PCP2: variants seen among roughly 807,000 people sequenced by gnomAD.
The protein encoded by PCP2 is Purkinje cell protein 2, also known as Purkinje cell protein 2 homolog.
Under a neutral mutation model 18.3 loss-of-function variants are expected in PCP2, and 21 were observed. The ratio of observed to expected loss-of-function variants is 1.14; its 90% CI spans 0.81 to 1.65. The LOEUF (loss-of-function observed/expected upper bound fraction) is 1.65, where lower values mean the gene tolerates loss of function less well. Among genes scored for constraint, PCP2 ranks in the 40% most tolerant of loss-of-function variants. The pLI, the probability that PCP2 is intolerant of heterozygous loss-of-function variation, is 0.00. For missense variants in PCP2, 202 were observed against 201.8 expected, an observed-to-expected ratio of 1.00 and a Z score of 0.00; for synonymous variants, 85 against 77.6, an observed-to-expected ratio of 1.10 and a Z score of -0.50.
Position 7,631,636 on chromosome 19 carries a change from T to C in PCP2, c.*53A>G, listed in dbSNP as rs2031306037. On this transcript the variant is annotated 3_prime_UTR_variant, in exon 4 of 4. Transcript: ENST00000311069. ...TTCCTTGTTATTCATTTAAGTGTTT[T>C]ATTCTTTTATCAGTTTTTGGGGGCC... The C allele has an allele frequency of 2.7e-6, 4 of 1,456,824 alleles. No individual in the cohort carries two copies. The South Asian group carries it at 4.2e-5, about 15-fold the overall frequency. The allele number at this position is 1,456,824 out of a possible 1,614,324, so 90.2% of individuals were successfully genotyped here. A position where few individuals can be genotyped will look rare whatever the true frequency, so the allele number is the denominator to read the frequency against.
intron 1 of PCP2, chr19:7,633,072 C>T: frequency 7.7e-7 from 1 of 1,304,960 alleles, no homozygotes; most frequent in Non-Finnish European, 1.0e-6. Flanking sequence ...GGTACCGCTT[C>T]AAGGGACAGG....
upstream of PCP2, chr19:7,636,903 T>A (rs1361366582): frequency 2.6e-6 from 1 of 390,328 alleles, no homozygotes; most frequent in Non-Finnish European, 4.5e-6. Flanking sequence ...TGAACTCCCA[T>A]CTGTGAGCGT....
At position 7,631,764 on chromosome 19, in the gene PCP2, C is replaced by A; in HGVS notation, c.336G>T (p.Leu112=). 1 of 1,424,748 alleles carries A rather than the reference C, an allele frequency of 7.0e-7. No individual in the cohort carries two copies. Among genetic ancestry groups the A allele is most frequent in the Non-Finnish European group, 9.2e-7 (1 of 1,085,426 alleles). The allele number at this position is 1,424,748 out of a possible 1,614,324, so 88.3% of individuals were successfully genotyped here. ...GAGCGGTCGGGTCCTGAGGGGTGAG[C>A]AGGGGTTGGGGACTGAGGGTCCCAG... ...KRAGTLSPQP[L]LTPQDPTALG... Residue 112 remains leucine, a synonymous_variant, in exon 4 of 4, where the codon CTG becomes CTT. Coordinates refer to ENST00000311069, the MANE Select transcript of PCP2 (RefSeq NM_174895.3).
At position 7,631,648 on chromosome 19, in the gene PCP2, A is replaced by G; in HGVS notation, c.*41T>C. Reference sequence around the variant, plus strand: ...CATTTAAGTGTTTTATTCTTTTATCAGTTTTTGGGGGCCGAGTGAGACCCA... The same window carrying G: ...CATTTAAGTGTTTTATTCTTTTATCGGTTTTTGGGGGCCGAGTGAGACCCA... On this transcript the variant is annotated 3_prime_UTR_variant, in exon 4 of 4. Coordinates refer to ENST00000311069, the MANE Select transcript of PCP2 (RefSeq NM_174895.3). The G allele has an allele frequency of 1.4e-6, 2 of 1,452,998 alleles. No homozygotes were observed. The highest frequency in any genetic ancestry group is 1.8e-6 in the Non-Finnish European group (2 of 1,100,324). The allele number at this position is 1,452,998 out of a possible 1,614,324, so 90.0% of individuals were successfully genotyped here.
In PCP2 at chr19:7,632,554, G is replaced by T. The variant is rs969274822; in HGVS notation, c.167-37C>A. ...TTCACAGACTTGGGAGGACACAGCCGGAGTGGGGGCCCCCAACCCTACCCC... is the reference window on the plus strand; with the variant it reads ...TTCACAGACTTGGGAGGACACAGCCTGAGTGGGGGCCCCCAACCCTACCCC... On this transcript the variant is annotated intron_variant, in intron 2 of 3. Transcript: ENST00000311069. The surrounding 1 kb of genome is among the most constrained non-coding windows in gnomAD (Gnocchi z 5.2). 2.5e-6 allele frequency: 4 copies of T among 1,607,572 alleles called. No homozygotes were observed. Among genetic ancestry groups the T allele is most frequent in the Admixed American group, 1.7e-5 (1 of 59,928 alleles).
At chr19:7,633,334 T>A in intron 1 of PCP2, 73 bp downstream of exon 1, 1 of 1,269,598 alleles carries the variant, frequency 7.9e-7, no homozygotes, top group Non-Finnish European at 1.1e-6. Context: ...TTAGGTGCCC[T>A]ACAAACTAGT....
At chr19:7,634,150 A>G (rs938009220), upstream of PCP2, among the ~76,000 whole-genome samples, 6 of 152,070 alleles carry the variant, frequency 3.9e-5, no homozygotes, top group African/African-American at 1.4e-4. Flanking sequence ...CCTCTCCTCT[A>G]TCACCCTAGC....
Position 7,632,832 on chromosome 19 carries a change from TG to T in PCP2, c.52-3del. 6.5e-7 allele frequency: 1 copy of T among 1,548,170 alleles called. No homozygotes were observed. Among genetic ancestry groups the T allele is most frequent in the Non-Finnish European group, 8.7e-7 (1 of 1,148,778 alleles). On this transcript the variant is annotated splice_region_variant and splice_polypyrimidine_tract_variant and intron_variant, in intron 1 of 3. Transcript: ENST00000311069. The surrounding 1 kb of genome is among the most constrained non-coding windows in gnomAD (Gnocchi z 5.2). ...GCCCTCCTGGTCTGGGGAGCCCGCC[TG>T]GGGACAGACTCGCTCAGTCTGGTTG...
intron 1 of PCP2, 26 bp downstream of exon 1, chr19:7,633,381 G>T (rs1278053203): frequency 3.2e-6 from 5 of 1,554,056 alleles, no homozygotes; most frequent in Non-Finnish European, 3.5e-6. Context: ...TGAGCTGGGG[G>T]TGGGGTGGGG....
At chr19:7,634,217 C>T (rs3745362), upstream of PCP2, among the ~76,000 whole-genome samples, 44,335 of 152,148 alleles carry the variant, frequency 0.29, 7,142 homozygotes, top group Non-Finnish European at 0.37. Context: ...GGGGAGAGGA[C>T]GTCCCTGCCT....
chr19:7,636,036 G>C (rs1019870322), upstream of PCP2, among the ~76,000 whole-genome samples: 4 of 152,094 alleles, frequency 2.6e-5, no homozygotes, highest in Admixed American at 2.0e-4. Flanking sequence ...AGAGGCCCTC[G>C]GGGGTCATCC....
chr19:7,632,375 C>T lies in PCP2; in HGVS notation c.291+18G>A, dbSNP rs756769829. The T allele has an allele frequency of 9.9e-6, 16 of 1,613,216 alleles. No individual in the cohort carries two copies. In the East Asian group the frequency reaches 1.1e-4, roughly 11 times the overall value. On this transcript the variant is annotated intron_variant, in intron 3 of 3. Coordinates refer to ENST00000311069, the MANE Select transcript of PCP2 (RefSeq NM_174895.3). The surrounding 1 kb of genome is among the most constrained non-coding windows in gnomAD (Gnocchi z 5.2). ...TGCCTGGCGGGTTTCTCCTCGACAT[C>T]GCCAGAACATCACCTACCTTGGACC... is the stretch of plus-strand genomic sequence containing the variant.
chr19:7,633,409 C>G lies in PCP2; in HGVS notation c.49G>C (p.Glu17Gln), dbSNP rs537729714. 5 of 1,569,072 alleles carry G rather than the reference C, an allele frequency of 3.2e-6. No individual in the cohort carries two copies. In the Admixed American group the frequency reaches 9.4e-5, roughly 29 times the overall value. Reference protein sequence around the residue: ...KTEEGSGPCAEAGSPDQEGFF... With the variant: ...KTEEGSGPCAQAGSPDQEGFF... Reference sequence around the variant, plus strand: ...GGGTGGGGGCAGGGCCCTCTCACCTCGGCACAGGGGCCTGAGCCTTCCTCC... The same window carrying G: ...GGGTGGGGGCAGGGCCCTCTCACCTGGGCACAGGGGCCTGAGCCTTCCTCC... Residue 17 changes from glutamate (E) to glutamine (Q), a missense_variant and splice_region_variant, in exon 1 of 4, where the codon GAG (glutamate) becomes CAG (glutamine). Transcript: ENST00000311069.
chr19:7,633,047 A>AGTGCCACTTCACGTG (rs2031397337), intron 1 of PCP2: 2 of 1,407,222 alleles, frequency 1.4e-6, no homozygotes, highest in East Asian at 5.0e-5. Flanking sequence ...CCTGGCCAGC[A>AGTGCCACTTCACGTG]GTGCCACTTC....
Position 7,632,482 on chromosome 19 carries a change from C to CCT in PCP2, c.201_202insAG (p.Asp68ArgfsTer17), listed in dbSNP as rs768484783. 1 of 1,613,844 alleles carries CCT rather than the reference C, an allele frequency of 6.2e-7. No individual in the cohort carries two copies. The highest frequency in any genetic ancestry group is 1.6e-4 in the Middle Eastern group (1 of 6,062). On this transcript the variant is annotated frameshift_variant, in exon 3 of 4. Coordinates refer to ENST00000311069, the MANE Select transcript of PCP2 (RefSeq NM_174895.3). LOFTEE classifies it high-confidence loss of function. This position sits in a 1 kb window ranked among gnomAD's most constrained non-coding sequence, Gnocchi z 5.2. ...CGGCCCTGGGTACTGGCCAGCATGT[C>CCT]CATGAGGCTGTCCATCTCGGGGGTG...
chr19:7,635,026 C>T (rs1487091063), upstream of PCP2, among the ~76,000 whole-genome samples: 1 of 152,236 alleles, frequency 6.6e-6, no homozygotes, highest in Non-Finnish European at 1.5e-5. Flanking sequence ...ACCTCATGCT[C>T]ACTGCTAATA....
chr19:7,632,571 C>T lies in PCP2; in HGVS notation c.167-54G>A, dbSNP rs956878544. 3 of 1,603,778 alleles carry T rather than the reference C, an allele frequency of 1.9e-6. No individual in the cohort carries two copies. The East Asian group carries it at 6.7e-5, about 36-fold the overall frequency. On this transcript the variant is annotated intron_variant, in intron 2 of 3. Coordinates refer to ENST00000311069, the MANE Select transcript of PCP2 (RefSeq NM_174895.3). The surrounding 1 kb of genome is among the most constrained non-coding windows in gnomAD (Gnocchi z 5.2). Reference sequence around the variant, plus strand: ...ACACAGCCGGAGTGGGGGCCCCCAACCCTACCCCTTCACCCCCACACAGAT... The same window carrying T: ...ACACAGCCGGAGTGGGGGCCCCCAATCCTACCCCTTCACCCCCACACAGAT...
chr19:7,633,635 G>T lies in PCP2; in HGVS notation c.-178C>A. On this transcript the variant is annotated 5_prime_UTR_variant, in exon 1 of 4. Transcript: ENST00000311069. ...ATAAAGATCATCCAGATAATTGTTT[G>T]CCCACAACGATGCTGGATCTGGCAT... The T allele has an allele frequency of 1.6e-6, 1 of 638,648 alleles. No homozygotes were observed. The highest frequency in any genetic ancestry group is 1.9e-5 in the African/African-American group (1 of 54,008). The allele number at this position is 638,648 out of a possible 1,614,324, so 39.6% of individuals were successfully genotyped here.
At chr19:7,634,235 C>T (rs997804735), upstream of PCP2, among the ~76,000 whole-genome samples, 7 of 152,336 alleles carry the variant, frequency 4.6e-5, no homozygotes, top group South Asian at 1.0e-3. Context: ...CCTTTTCCCC[C>T]GAGCCACTGT....
Sources: allele counts gnomAD v4.1 joint callset (sites outside exome capture counted in the v4.1 genomes callset), GRCh38; gene constraint gnomAD v4.1.1; non-coding constraint Gnocchi (gnomAD v3.1); transcripts MANE v1.5; gene names NCBI Gene and HGNC (gene_info 2026-07-23, HGNC 2026-07-21).